The following ARHGAP6 variants were observed in gnomAD, a reference collection of about 807,000 sequenced individuals.
ARHGAP6 encodes the protein Rho GTPase activating protein 6, also known as rho GTPase-activating protein 6.
In ARHGAP6, 16 loss-of-function variants were observed where a neutral mutation model predicts 55.7. The ratio of observed to expected loss-of-function variants is 0.29; its 90% CI spans 0.19 to 0.44. ARHGAP6 has a LOEUF of 0.44. ARHGAP6 is among the 20% of genes least tolerant of loss of function. The pLI is 1.00. For missense variants in ARHGAP6, 698 were observed against 808.9 expected, an observed-to-expected ratio of 0.86 and a Z score of 1.66; for synonymous variants, 382 against 360.9, an observed-to-expected ratio of 1.06 and a Z score of -0.66.
At chrX:11,385,295 T>C (rs1469629006) in intron 1 of ARHGAP6, among the ~76,000 whole-genome samples, 1 of 111,950 alleles carries the variant, frequency 8.9e-6, no homozygotes, top group African/African-American at 3.2e-5. Flanking sequence ...AATACTAATA[T>C]AATTCTAAGA....
chrX:11,301,962 A>G (rs773239732), intron 1 of ARHGAP6, among the ~76,000 whole-genome samples: 4 of 112,330 alleles, frequency 3.6e-5, no homozygotes, highest in African/African-American at 1.3e-4. Context: ...CAATCCCAGC[A>G]TTCAGCCACG....
At chrX:11,297,531 T>C (rs1353363050) in intron 1 of ARHGAP6, among the ~76,000 whole-genome samples, 1 of 112,471 alleles carries the variant, frequency 8.9e-6, no homozygotes, top group African/African-American at 3.2e-5. Flanking sequence ...TTATTTTTTG[T>C]ATCGATTAAA....
rs910259762 is a variant in ARHGAP6, at chrX:11,408,725, A to T, written c.589-154018T>A. On this transcript the variant is annotated intron_variant, in intron 1 of 12. Coordinates refer to ENST00000337414, the MANE Select transcript of ARHGAP6 (RefSeq NM_013427.3). ...CAGAAGCAGATTTAAAGGCAGTAGG[A>T]CGACAAAGTAGTCATCCATGAGTTC... Among the ~76,000 whole-genome samples the T allele has an allele frequency of 2.7e-5, 3 of 110,536 alleles. No individual in the cohort carries two copies. In the Admixed American group the frequency reaches 2.9e-4, roughly 11 times the overall value.
At chrX:11,529,065 C>A (rs888244914) in intron 1 of ARHGAP6, among the ~76,000 whole-genome samples, 1 of 111,774 alleles carries the variant, frequency 8.9e-6, no homozygotes, top group Non-Finnish European at 1.9e-5. Flanking sequence ...ATCTCCCTCT[C>A]CCCCATCTAC....
intron 1 of ARHGAP6, among the ~76,000 whole-genome samples, chrX:11,619,747 C>T (rs891194813): frequency 2.7e-5 from 3 of 112,096 alleles, no homozygotes; most frequent in South Asian, 3.7e-4. Context: ...TTGTCCTCCC[C>T]GCTTTCCTAT....
intron 1 of ARHGAP6, among the ~76,000 whole-genome samples, chrX:11,599,305 T>C (rs1218959702): frequency 1.8e-5 from 2 of 111,703 alleles, no homozygotes; most frequent in Non-Finnish European, 3.8e-5. Flanking sequence ...GATAGTTCTA[T>C]TTTTTATTTT....
intron 2 of ARHGAP6, among the ~76,000 whole-genome samples, chrX:11,207,453 G>A (rs1286410987): frequency 8.9e-6 from 1 of 111,857 alleles, no homozygotes; most frequent in Non-Finnish European, 1.9e-5. Flanking sequence ...CAATTAATAG[G>A]AATTCCAATA....
chrX:11,658,855 T>C, intron 1 of ARHGAP6, among the ~76,000 whole-genome samples: 1 of 109,359 alleles, frequency 9.1e-6, no homozygotes, highest in South Asian at 4.1e-4. Context: ...AAGTATTTGT[T>C]TGTGGGGGCT....
chrX:11,376,878 T>A (rs145472340), intron 1 of ARHGAP6, among the ~76,000 whole-genome samples: 1,197 of 111,540 alleles, frequency 0.011, 8 homozygotes, highest in Non-Finnish European at 0.018. Flanking sequence ...AGAGGTACCA[T>A]GTCCAAGGTC....
chrX:11,485,766 T>C (rs989307785), intron 1 of ARHGAP6, among the ~76,000 whole-genome samples: 1 of 111,645 alleles, frequency 9.0e-6, no homozygotes, highest in Non-Finnish European at 1.9e-5. Context: ...CTCTTCAATT[T>C]GCAGGTTCGT....
intron 2 of ARHGAP6, among the ~76,000 whole-genome samples, chrX:11,244,323 C>T (rs1324880582): frequency 9.0e-6 from 1 of 111,160 alleles, no homozygotes; most frequent in African/African-American, 3.3e-5. Flanking sequence ...CAGTCACAGG[C>T]AATACAGAAA....
chrX:11,462,391 T>G (rs945900215), intron 1 of ARHGAP6, among the ~76,000 whole-genome samples: 1 of 112,066 alleles, frequency 8.9e-6, no homozygotes, highest in Non-Finnish European at 1.9e-5. Context: ...CAGCAAGCCT[T>G]GGGATGATGT....
At chrX:11,552,975 G>A (rs950340908) in intron 1 of ARHGAP6, among the ~76,000 whole-genome samples, 2 of 110,054 alleles carry the variant, frequency 1.8e-5, no homozygotes, top group African/African-American at 3.3e-5. Flanking sequence ...GATATTAAGT[G>A]TTCTTACCAC....
intron 1 of ARHGAP6, among the ~76,000 whole-genome samples, chrX:11,596,623 T>G (rs867786354): frequency 1.2e-4 from 13 of 111,803 alleles, no homozygotes; most frequent in African/African-American, 3.9e-4. Context: ...GCTTTTATAA[T>G]AATTTTTGGT....
chrX:11,572,153 T>A (rs1448707823), intron 1 of ARHGAP6, among the ~76,000 whole-genome samples: 3 of 111,786 alleles, frequency 2.7e-5, no homozygotes, highest in Non-Finnish European at 1.9e-5. Flanking sequence ...GATAATCAAA[T>A]CATAATGGGT....
At chrX:11,244,256 T>C (rs2047324524) in intron 2 of ARHGAP6, among the ~76,000 whole-genome samples, 1 of 112,253 alleles carries the variant, frequency 8.9e-6, no homozygotes, top group African/African-American at 3.2e-5. Flanking sequence ...ACTTTTGATC[T>C]TGTGGGCCAT....
chrX:11,366,915 G>A (rs907101092), intron 1 of ARHGAP6, among the ~76,000 whole-genome samples: 1 of 111,954 alleles, frequency 8.9e-6, no homozygotes, highest in African/African-American at 3.3e-5. Context: ...TCTACAGTGA[G>A]AGGAGAAGAG....
chrX:11,306,072 C>G (rs1216597162), intron 1 of ARHGAP6, among the ~76,000 whole-genome samples: 1 of 111,575 alleles, frequency 9.0e-6, no homozygotes. Flanking sequence ...TGACCCTCAC[C>G]TCAATGCCAC....
intron 1 of ARHGAP6, among the ~76,000 whole-genome samples, chrX:11,460,651 C>A (rs1335827628): frequency 8.9e-6 from 1 of 111,953 alleles, no homozygotes; most frequent in African/African-American, 3.2e-5. Context: ...GAATAGCTTC[C>A]TCAGGCTGGA....
Sources: gnomAD v4.1 joint callset for allele counts (sites outside exome capture counted in the v4.1 genomes callset) on GRCh38, gnomAD v4.1.1 for gene constraint, MANE v1.5 for transcripts, NCBI Gene and HGNC (gene_info 2026-07-23, HGNC 2026-07-21) for gene names.